Variants in SMAD6 observed in about 807,000 individuals in gnomAD.
The protein encoded by SMAD6 is SMAD family member 6.
In SMAD6, 103 loss-of-function variants were observed where a neutral mutation model predicts 39.4. The observed-to-expected ratio is 2.62, with a 90% CI of 2.23 to 3.08. The LOEUF (loss-of-function observed/expected upper bound fraction) is 3.08, where lower values mean the gene tolerates loss of function less well. SMAD6 is among the 30% of genes most tolerant of loss of function. The pLI is 0.00. For synonymous variants in SMAD6, 445 were observed against 353.3 expected (o/e 1.26, Z -2.91); for missense variants, 1,104 against 742.9 (o/e 1.49, Z -5.65).
At chr15:66,742,085 T>C (rs1893825356) in intron 3 of SMAD6, among the ~76,000 whole-genome samples, 1 of 152,190 alleles carries the variant, frequency 6.6e-6, no homozygotes, top group South Asian at 2.1e-4. Flanking sequence ...CCCCACACAC[T>C]GTGAGCAGGC....
At chr15:66,759,844 G>T (rs1894167690) in intron 3 of SMAD6, among the ~76,000 whole-genome samples, 1 of 152,204 alleles carries the variant, frequency 6.6e-6, no homozygotes, top group Non-Finnish European at 1.5e-5. Flanking sequence ...CAGGGTCCCT[G>T]CCCTCTGTTG....
At chr15:66,774,790 C>T (rs1042606041) in intron 3 of SMAD6, among the ~76,000 whole-genome samples, 1 of 152,150 alleles carries the variant, frequency 6.6e-6, no homozygotes, top group African/African-American at 2.4e-5. Flanking sequence ...TCTTGTGCCT[C>T]TTCCCAGCTG....
rs527906670 is a variant in SMAD6 at position 66,768,271 on chromosome 15, C to T, written c.953-12726C>T. Among the ~76,000 whole-genome samples the T allele has an allele frequency of 3.5e-3, 540 of 152,160 alleles. 1 individual carries two copies. Among genetic ancestry groups the T allele is most frequent in the Non-Finnish European group, 4.5e-3 (303 of 68,004 alleles). On this transcript the variant is annotated intron_variant, in intron 3 of 3. Coordinates refer to ENST00000288840, the MANE Select transcript of SMAD6 (RefSeq NM_005585.5). ...ATAGGCATGAGCCACCATATCCAGC[C>T]TACATCTTTAGTGTAAATCGAGGCA... is the stretch of plus-strand genomic sequence containing the variant.
intron 2 of SMAD6, among the ~76,000 whole-genome samples, chr15:66,714,404 A>C (rs1893288042): frequency 6.6e-6 from 1 of 152,284 alleles, no homozygotes; most frequent in South Asian, 2.1e-4. Context: ...AAATCCAAAG[A>C]AGCATAATAT....
At chr15:66,750,122 T>C (rs1893976816) in intron 3 of SMAD6, among the ~76,000 whole-genome samples, 1 of 147,958 alleles carries the variant, frequency 6.8e-6, no homozygotes, top group Non-Finnish European at 1.5e-5. Flanking sequence ...GGGGGCCTTC[T>C]TTGCAACCCT....
intron 3 of SMAD6, among the ~76,000 whole-genome samples, chr15:66,749,510 C>G (rs541478543): frequency 6.6e-6 from 1 of 152,172 alleles, no homozygotes. Flanking sequence ...TGCACCTACC[C>G]AGGAGGCTGA....
At chr15:66,708,927 G>A (rs944971743) in intron 1 of SMAD6, among the ~76,000 whole-genome samples, 7 of 152,354 alleles carry the variant, frequency 4.6e-5, no homozygotes, top group African/African-American at 1.7e-4. Context: ...CTTAGGGTAT[G>A]TGAATTATAT....
intron 3 of SMAD6, among the ~76,000 whole-genome samples, chr15:66,754,809 G>A (rs1894068922): frequency 6.6e-6 from 1 of 152,194 alleles, no homozygotes; most frequent in Non-Finnish European, 1.5e-5. Context: ...TAAGGCAACA[G>A]TGAAAAGGAC....
chr15:66,781,231 AGCCCGACGGC>A lies in SMAD6; in HGVS notation c.1189_1198del (p.Pro397CysfsTer139). 6.2e-7 allele frequency: 1 copy of A among 1,608,702 alleles called. No individual in the cohort carries two copies. The highest frequency in any genetic ancestry group is 8.5e-7 in the Non-Finnish European group (1 of 1,179,638). ...GGCTTCGGCATCCTGCTCAGCAAGG[AGCCCGACGGC>A]GTGTGGGCCTACAACCGCGGCGAGC... On this transcript the variant is annotated frameshift_variant, in exon 4 of 4. Coordinates refer to ENST00000288840, the MANE Select transcript of SMAD6 (RefSeq NM_005585.5). LOFTEE classifies it high-confidence loss of function.
At position 66,738,897 on chromosome 15, in the gene SMAD6, G is replaced by A. The variant is rs188165039; in HGVS notation, c.952+22399G>A. Among the ~76,000 whole-genome samples the A allele has an allele frequency of 7.4e-4, 112 of 152,202 alleles. 1 individual carries two copies. Among genetic ancestry groups the A allele is most frequent in the African/African-American group, 2.4e-3 (101 of 41,508 alleles). ...GAGTCACTGCAGTGCATTCACAGGCGTCCTTCTCTGGGTCCTGTATCACCT... is the reference window on the plus strand; with the variant it reads ...GAGTCACTGCAGTGCATTCACAGGCATCCTTCTCTGGGTCCTGTATCACCT... On this transcript the variant is annotated intron_variant, in intron 3 of 3. Coordinates refer to ENST00000288840, the MANE Select transcript of SMAD6 (RefSeq NM_005585.5).
Position 66,781,673 on chromosome 15 carries a change from T to C in SMAD6, c.*138T>C, listed in dbSNP as rs897029437. 4 of 486,012 alleles carry C rather than the reference T, an allele frequency of 8.2e-6. No individual in the cohort carries two copies. The highest frequency in any genetic ancestry group is 1.4e-5 in the Non-Finnish European group (4 of 284,066). 30.1% of individuals were successfully genotyped at this position (486,012 alleles called of 1,614,324 possible). On this transcript the variant is annotated 3_prime_UTR_variant, in exon 4 of 4. Transcript: ENST00000288840. ...TCATCTACCTAGATTTAATATAAAG[T>C]TTTATATATTATATGGAAATATATA...
chr15:66,754,129 C>T (rs1409616333), intron 3 of SMAD6, among the ~76,000 whole-genome samples: 1 of 152,238 alleles, frequency 6.6e-6, no homozygotes, highest in East Asian at 1.9e-4. Context: ...ATTTCTCATT[C>T]CTCCGGTCTC....
At position 66,722,128 on chromosome 15, in the gene SMAD6, C is replaced by G. The variant is rs12910828; in HGVS notation, c.952+5630C>G. Among the ~76,000 whole-genome samples, 1,216 of 152,246 alleles carry G rather than the reference C, an allele frequency of 8.0e-3. 9 individuals are homozygous for G. Among genetic ancestry groups the G allele is most frequent in the Non-Finnish European group, 0.013 (871 of 68,010 alleles). ...TGGGAAAGATTTTTTTAAAAAACTT[C>G]TATCCAAACATGCCGAGTGGACATA... On this transcript the variant is annotated intron_variant, in intron 3 of 3. Transcript: ENST00000288840.
At chr15:66,750,711 G>C (rs900024727) in intron 3 of SMAD6, among the ~76,000 whole-genome samples, 2 of 152,184 alleles carry the variant, frequency 1.3e-5, no homozygotes, top group Admixed American at 1.3e-4. Context: ...TATCAAGCCA[G>C]CTACTTCTGT....
At position 66,766,804 on chromosome 15, in the gene SMAD6, T is replaced by G. The variant is rs757068260; in HGVS notation, c.953-14193T>G. ...GCACTTGGGCATTGCCATCATCGAG[T>G]TCAGCCCAGATGTCTCCCTGGGACT... On this transcript the variant is annotated intron_variant, in intron 3 of 3. Transcript: ENST00000288840. Among the ~76,000 whole-genome samples the G allele has an allele frequency of 3.3e-5, 5 of 152,132 alleles. No homozygotes were observed. In the South Asian group the frequency reaches 6.2e-4, roughly 19 times the overall value.
chr15:66,746,507 G>C (rs1893911473), intron 3 of SMAD6, among the ~76,000 whole-genome samples: 2 of 152,176 alleles, frequency 1.3e-5, no homozygotes, highest in South Asian at 4.1e-4. Context: ...ATTTGCTCTA[G>C]GGGGGTGGGG....
intron 3 of SMAD6, among the ~76,000 whole-genome samples, chr15:66,754,904 T>C (rs2140652125): frequency 6.6e-6 from 1 of 152,198 alleles, no homozygotes; most frequent in East Asian, 1.9e-4. Flanking sequence ...TGCTAATGTG[T>C]CTCAGCTCAC....
chr15:66,781,185 C>T lies in SMAD6; in HGVS notation c.1141C>T (p.Arg381Trp). ...LNLEQRSESVRRTRSKIGFGI... is the reference protein window; with the variant it reads ...LNLEQRSESVWRTRSKIGFGI... The stretch of plus-strand genomic sequence containing the variant: ...CCTGGAGCAGCGCAGCGAGTCGGTG[C>T]GGCGAACGCGCAGCAAGATCGGCTT... Residue 381 changes from arginine to tryptophan, a missense_variant, in exon 4 of 4, where the codon CGG becomes TGG. By Grantham distance (101) the Arg-to-Trp change is moderately radical. Transcript: ENST00000288840. 1.2e-6 allele frequency: 2 copies of T among 1,607,508 alleles called. No individual in the cohort carries two copies. Among genetic ancestry groups the T allele is most frequent in the Non-Finnish European group, 8.5e-7 (1 of 1,179,686 alleles).
chr15:66,712,018 A>C (rs1893241764), intron 2 of SMAD6, among the ~76,000 whole-genome samples: 2 of 152,164 alleles, frequency 1.3e-5, no homozygotes, highest in Non-Finnish European at 2.9e-5. Flanking sequence ...GTTTTGACTT[A>C]TGCATCTCAC....
Sources: gnomAD v4.1 joint callset for allele counts (sites outside exome capture counted in the v4.1 genomes callset) on GRCh38, gnomAD v4.1.1 for gene constraint, MANE v1.5 for transcripts, NCBI Gene and HGNC (gene_info 2026-07-23, HGNC 2026-07-21) for gene names.